AK9: variants seen among roughly 807,000 people sequenced by gnomAD.
The protein encoded by AK9 is adenylate kinase 9, also known as adenylate kinase domain containing 1.
Under a neutral mutation model 239.6 loss-of-function variants are expected in AK9, and 191 were observed. That is an observed-to-expected ratio of 0.80 (90% CI 0.71 to 0.90). AK9 has a LOEUF of 0.90. Ranked by LOEUF, AK9 falls within the 40% of genes least tolerant of loss-of-function variation. The probability of loss-of-function intolerance (pLI) is 0.00; values close to 1 mark genes in which losing one functional copy is unlikely to be tolerated. For missense variants in AK9, 1,995 were observed against 2,214.7 expected (o/e 0.90, Z 1.99); for synonymous variants, 689 against 721.0 (o/e 0.96, Z 0.71).
intron 17 of AK9, among the ~76,000 whole-genome samples, 172 bp from the exon 18 acceptor site, chr6:109,586,244 G>A (rs553076499): frequency 5.3e-5 from 8 of 152,194 alleles, no homozygotes; most frequent in African/African-American, 1.4e-4. Context: ...CAATAAAATC[G>A]TAAGTTTAAA....
intron 18 of AK9, among the ~76,000 whole-genome samples, 162 bp from the exon 19 acceptor site, chr6:109,585,399 A>G (rs1438306552): frequency 6.6e-6 from 1 of 152,158 alleles, no homozygotes; most frequent in Non-Finnish European, 1.5e-5. Context: ...ATATTAATAG[A>G]CCATCTTAAA....
intron 17 of AK9, among the ~76,000 whole-genome samples, chr6:109,588,128 T>G (rs984700921): frequency 6.6e-6 from 1 of 152,024 alleles, no homozygotes; most frequent in Admixed American, 6.6e-5. Flanking sequence ...TGGAGTGCAG[T>G]GGCGCGATCT....
At chr6:109,538,870 G>A (rs1782421365) in intron 27 of AK9, among the ~76,000 whole-genome samples, 1 of 152,138 alleles carries the variant, frequency 6.6e-6, no homozygotes, top group Non-Finnish European at 1.5e-5. Flanking sequence ...ATGAAGCTTA[G>A]TTTGGCTGGA....
intron 20 of AK9, among the ~76,000 whole-genome samples, chr6:109,577,393 T>G (rs777452040): frequency 9.2e-5 from 14 of 152,066 alleles, no homozygotes; most frequent in Non-Finnish European, 1.6e-4. Flanking sequence ...TAGTTAGTAT[T>G]TTGTTGATGA....
At chr6:109,644,382 A>G (rs1456739068) in intron 9 of AK9, 2 of 385,586 alleles carry the variant, frequency 5.2e-6, no homozygotes, top group East Asian at 9.0e-5. Flanking sequence ...CATTGCTTTT[A>G]CTTTTCTTTG....
chr6:109,679,622 C>A (rs1279767934), intron 1 of AK9, among the ~76,000 whole-genome samples: 1 of 152,162 alleles, frequency 6.6e-6, no homozygotes, highest in Admixed American at 6.5e-5. Flanking sequence ...CAGACTGCCT[C>A]CTGAAGTGGG....
Position 109,689,693 on chromosome 6 carries a change from T to C in AK9, c.-12+1454A>G, listed in dbSNP as rs149159107. On this transcript the variant is annotated intron_variant, in intron 1 of 40. Transcript: ENST00000424296. The stretch of plus-strand genomic sequence containing the variant: ...TGCTGTTTCCTGGGATTACGTCTCA[T>C]ATAAACAACCTGCCTTCAAAGTTTT... Among the ~76,000 whole-genome samples the C allele has an allele frequency of 2.7e-3, 412 of 152,302 alleles. 2 individuals carry two copies. Among genetic ancestry groups the C allele is most frequent in the Non-Finnish European group, 4.4e-3 (301 of 68,020 alleles).
intron 27 of AK9, among the ~76,000 whole-genome samples, chr6:109,538,656 A>G (rs1017193795): frequency 6.6e-6 from 1 of 152,130 alleles, no homozygotes; most frequent in African/African-American, 2.4e-5. Context: ...TTATGATATT[A>G]GCTGGTTATT....
At chr6:109,608,768 T>C (rs1021962178) in intron 17 of AK9, among the ~76,000 whole-genome samples, 7 of 152,142 alleles carry the variant, frequency 4.6e-5, no homozygotes, top group African/African-American at 1.7e-4. Context: ...AGACAAGATA[T>C]TTGTAAAGAT....
intron 5 of AK9, among the ~76,000 whole-genome samples, chr6:109,666,904 T>G (rs1262545583): frequency 6.6e-6 from 1 of 152,158 alleles, no homozygotes; most frequent in Non-Finnish European, 1.5e-5. Context: ...TTCATAAAGA[T>G]ATACTCGGGG....
At chr6:109,666,568 A>C (rs1299965102) in intron 5 of AK9, among the ~76,000 whole-genome samples, 1 of 152,246 alleles carries the variant, frequency 6.6e-6, no homozygotes, top group African/African-American at 2.4e-5. Flanking sequence ...TCAACCAATG[A>C]GAAACTGTAA....
At chr6:109,530,572 CA>C (rs1316112127) in intron 28 of AK9, among the ~76,000 whole-genome samples, 1 of 152,134 alleles carries the variant, frequency 6.6e-6, no homozygotes, top group Non-Finnish European at 1.5e-5. Context: ...AAACTATACA[CA>C]ATAGCACTCA....
intron 12 of AK9, among the ~76,000 whole-genome samples, chr6:109,629,740 C>T (rs1795925460): frequency 6.6e-6 from 1 of 151,922 alleles, no homozygotes; most frequent in Admixed American, 6.6e-5. Flanking sequence ...TCACGCCATT[C>T]TCCTGCCTCA....
intron 38 of AK9, among the ~76,000 whole-genome samples, chr6:109,497,175 C>T (rs1199136063): frequency 6.6e-6 from 1 of 152,030 alleles, no homozygotes; most frequent in Non-Finnish European, 1.5e-5. Context: ...TGACCTTACA[C>T]CCACACACAA....
intron 17 of AK9, among the ~76,000 whole-genome samples, chr6:109,589,511 A>C (rs923413997): frequency 6.6e-6 from 1 of 152,102 alleles, no homozygotes; most frequent in Non-Finnish European, 1.5e-5. Context: ...GAAACATATC[A>C]ACAGTAGAGA....
chr6:109,608,056 A>G (rs1018766399), intron 17 of AK9, among the ~76,000 whole-genome samples: 4 of 151,978 alleles, frequency 2.6e-5, no homozygotes, highest in African/African-American at 9.7e-5. Flanking sequence ...CAGATAGATC[A>G]CTTGAGGTCA....
intron 5 of AK9, among the ~76,000 whole-genome samples, chr6:109,665,808 C>T (rs752182400): frequency 2.0e-4 from 31 of 152,190 alleles, no homozygotes; most frequent in Non-Finnish European, 3.4e-4. Flanking sequence ...CTGCCATTCC[C>T]TATGCTGGTA....
chr6:109,646,839 G>C (rs945710484), intron 8 of AK9, among the ~76,000 whole-genome samples: 1 of 152,214 alleles, frequency 6.6e-6, no homozygotes, highest in Non-Finnish European at 1.5e-5. Flanking sequence ...CAGCCAGAGA[G>C]AAAGGTTGGG....
At chr6:109,635,114 T>TA (rs969171573) in intron 10 of AK9, among the ~76,000 whole-genome samples, 185 of 145,122 alleles carry the variant, frequency 1.3e-3, no homozygotes, top group East Asian at 6.0e-3. Flanking sequence ...AGTAGAAGAA[T>TA]AAAAAAAAAA....
Sources: allele counts gnomAD v4.1 joint callset (sites outside exome capture counted in the v4.1 genomes callset), GRCh38; gene constraint gnomAD v4.1.1; transcripts MANE v1.5; gene names NCBI Gene and HGNC (gene_info 2026-07-23, HGNC 2026-07-21).